Variants in CHL1 observed in about 807,000 individuals in gnomAD.
CHL1 encodes the protein cell adhesion molecule L1 like, also known as neural cell adhesion molecule L1-like protein.
In CHL1, 96 loss-of-function variants were observed where a neutral mutation model predicts 141.9. That is an observed-to-expected ratio of 0.68 (90% CI 0.57 to 0.80). The LOEUF is 0.80. Among genes scored for constraint, CHL1 ranks in the 30% least tolerant of loss-of-function variants. The pLI, the probability that CHL1 is intolerant of heterozygous loss-of-function variation, is 0.00. For synonymous variants in CHL1, 613 were observed against 502.2 expected, an observed-to-expected ratio of 1.22 and a Z score of -2.95; for missense variants, 1,820 against 1,457.2, an observed-to-expected ratio of 1.25 and a Z score of -4.05.
chr3:393,870 G>T lies in CHL1; in HGVS notation c.2915-823G>T, dbSNP rs144368062. Among the ~76,000 whole-genome samples the T allele has an allele frequency of 7.2e-5, 11 of 152,156 alleles. No homozygotes were observed. In the East Asian group the frequency reaches 1.7e-3, roughly 24 times the overall value. On this transcript the variant is annotated intron_variant, in intron 23 of 27. Transcript: ENST00000256509. ...CATTGATTTGAATTGCATTTTTATG[G>T]ACCAAGGAAGGCATTTTTATGTCAA...
In CHL1 at chr3:350,003, G is replaced by A. The variant is rs78049996; in HGVS notation, c.1033+460G>A. ...ACCTCAGGCTCTTCACCAAAGAAGTGAAAGAGGCAGGCAAATTGTTGTGTC... is the reference window on the plus strand; with the variant it reads ...ACCTCAGGCTCTTCACCAAAGAAGTAAAAGAGGCAGGCAAATTGTTGTGTC... On this transcript the variant is annotated intron_variant, in intron 10 of 27. Coordinates refer to ENST00000256509, the MANE Select transcript of CHL1 (RefSeq NM_006614.4). Among the ~76,000 whole-genome samples the A allele has an allele frequency of 5.0e-3, 768 of 152,288 alleles. 3 individuals carry two copies. The highest frequency in any genetic ancestry group is 0.017 in the African/African-American group (720 of 41,556).
chr3:226,121 A>G (rs902959426), intron 1 of CHL1, among the ~76,000 whole-genome samples: 3 of 149,988 alleles, frequency 2.0e-5, no homozygotes, highest in African/African-American at 7.3e-5. Context: ...GTCAGGTTCA[A>G]GTGATTCTCG....
chr3:375,747 G>C (rs1199086189), intron 15 of CHL1, among the ~76,000 whole-genome samples: 1 of 152,030 alleles, frequency 6.6e-6, no homozygotes, highest in African/African-American at 2.4e-5. Flanking sequence ...CTCCTAAAGA[G>C]AAAGAAAATA....
At chr3:382,321 G>C (rs766558462) in intron 17 of CHL1, 41 bp downstream of exon 17, 20 of 1,558,994 alleles carry the variant, frequency 1.3e-5, no homozygotes, top group Non-Finnish European at 1.8e-5. Flanking sequence ...ACTCTAGATA[G>C]TCAAAATTAA....
chr3:379,889 C>T (rs1706819901), intron 16 of CHL1, among the ~76,000 whole-genome samples: 2 of 152,018 alleles, frequency 1.3e-5, no homozygotes, highest in South Asian at 4.1e-4. Flanking sequence ...TAGACACATA[C>T]GAGGTTTCTA....
chr3:390,491 T>C (rs898219635), intron 20 of CHL1, among the ~76,000 whole-genome samples: 1 of 152,258 alleles, frequency 6.6e-6, no homozygotes, highest in East Asian at 1.9e-4. Context: ...GAGGGCTTTG[T>C]TTCTCAGTGT....
At chr3:278,349 T>A (rs1696339299) in intron 2 of CHL1, among the ~76,000 whole-genome samples, 1 of 152,024 alleles carries the variant, frequency 6.6e-6, no homozygotes, top group South Asian at 2.1e-4. Context: ...TTCCCCACAA[T>A]CCCCATTGCG....
At chr3:266,827 A>G (rs1695199285) in intron 2 of CHL1, among the ~76,000 whole-genome samples, 1 of 152,170 alleles carries the variant, frequency 6.6e-6, no homozygotes, top group African/African-American at 2.4e-5. Context: ...TTTAAGATGC[A>G]ATTATTTACA....
chr3:355,069 A>G (rs973914630), intron 11 of CHL1, among the ~76,000 whole-genome samples: 2 of 152,186 alleles, frequency 1.3e-5, no homozygotes, highest in Non-Finnish European at 2.9e-5. Context: ...CAAGGAAAAA[A>G]GCCAATTATT....
intron 1 of CHL1, among the ~76,000 whole-genome samples, chr3:226,167 T>C (rs966605517): frequency 6.7e-6 from 1 of 149,930 alleles, no homozygotes; most frequent in South Asian, 2.1e-4. Flanking sequence ...ACTACAGGCA[T>C]GCACCACTAT....
At chr3:244,725 G>A (rs1692994859) in intron 2 of CHL1, 33 bp downstream of exon 2, 1 of 152,138 alleles carries the variant, frequency 6.6e-6, no homozygotes, top group South Asian at 2.1e-4. Flanking sequence ...GTTGTTTTAT[G>A]CATTTTTGAT....
At chr3:270,753 A>T (rs1200537938) in intron 2 of CHL1, among the ~76,000 whole-genome samples, 1 of 152,242 alleles carries the variant, frequency 6.6e-6, no homozygotes, top group African/African-American at 2.4e-5. Context: ...GGCTGCAGTT[A>T]TATGAAGGTT....
intron 1 of CHL1, among the ~76,000 whole-genome samples, chr3:235,318 G>T (rs932711781): frequency 2.6e-5 from 4 of 151,934 alleles, no homozygotes; most frequent in Non-Finnish European, 5.9e-5. Context: ...GTGACATTAG[G>T]CAATATGTAA....
intron 5 of CHL1, 196 bp downstream of exon 5, chr3:328,550 G>A: frequency 2.3e-6 from 1 of 444,074 alleles, no homozygotes; most frequent in Non-Finnish European, 4.0e-6. Flanking sequence ...AACATAATTT[G>A]ACTCTGTTTC....
rs377338069 is a variant in CHL1, at chr3:303,532, CTGTT to C, written c.-94-16146_-94-16143del. On this transcript the variant is annotated intron_variant, in intron 2 of 27. Coordinates refer to ENST00000256509, the MANE Select transcript of CHL1 (RefSeq NM_006614.4). ...GGGAGTTCACTCATGATTTGGCTCT[CTGTT>C]TGTTATTGGTGGATAGGAATGCTTG... Among the ~76,000 whole-genome samples the C allele has an allele frequency of 1.4e-3, 211 of 152,200 alleles. 1 individual carries two copies. Among genetic ancestry groups the C allele is most frequent in the African/African-American group, 4.9e-3 (205 of 41,528 alleles).
At chr3:394,214 C>A (rs185858209) in intron 23 of CHL1, among the ~76,000 whole-genome samples, 1 of 152,210 alleles carries the variant, frequency 6.6e-6, no homozygotes, top group East Asian at 1.9e-4. Context: ...TACTGAGTAG[C>A]TATTTGGTGC....
intron 9 of CHL1, among the ~76,000 whole-genome samples, chr3:346,385 AT>A (rs765960389): frequency 6.6e-6 from 1 of 152,178 alleles, no homozygotes; most frequent in Non-Finnish European, 1.5e-5. Context: ...TACTGGTTGT[AT>A]TTGTACATGT....
At chr3:309,135 C>G (rs1185451056) in intron 2 of CHL1, 1 of 152,522 alleles carries the variant, frequency 6.6e-6, no homozygotes, top group East Asian at 1.9e-4. Context: ...CACAGAAGTT[C>G]CCGGGTCCAG....
intron 19 of CHL1, among the ~76,000 whole-genome samples, chr3:385,091 T>G (rs1375021450): frequency 6.6e-6 from 1 of 152,226 alleles, no homozygotes; most frequent in Non-Finnish European, 1.5e-5. Flanking sequence ...TACTACTACA[T>G]TGTCTTGATA....
Sources: allele counts gnomAD v4.1 joint callset (sites outside exome capture counted in the v4.1 genomes callset), GRCh38; gene constraint gnomAD v4.1.1; transcripts MANE v1.5; gene names NCBI Gene and HGNC (gene_info 2026-07-23, HGNC 2026-07-21).